The following ST18 variants were observed in gnomAD, a reference collection of about 807,000 sequenced individuals.
ST18 encodes the protein ST18 C2H2C-type zinc finger transcription factor.
A neutral mutation model predicts 110.0 loss-of-function variants in ST18; 50 were observed. That is an observed-to-expected ratio of 0.45 (90% CI 0.36 to 0.58). The LOEUF (loss-of-function observed/expected upper bound fraction) is 0.58, where lower values mean the gene tolerates loss of function less well. Ranked by LOEUF, ST18 falls within the 20% of genes least tolerant of loss-of-function variation. The pLI is 0.00. For synonymous variants in ST18, 461 were observed against 452.4 expected (o/e 1.02, Z -0.24); for missense variants, 1,306 against 1,280.1 (o/e 1.02, Z -0.31).
At chr8:52,130,119 A>AAAAGAAAAGAAAGAAAG (rs1554585623) in intron 22 of ST18, among the ~76,000 whole-genome samples, 1 of 105,164 alleles carries the variant, frequency 9.5e-6, no homozygotes, top group African/African-American at 4.1e-5. Context: ...AGAAAGAAAG[A>AAAAGAAAAGAAAGAAAG]AAAGAAAGAA....
rs949863947 is a variant in ST18, at chr8:52,112,230, G to C, written c.*968C>G. On this transcript the variant is annotated 3_prime_UTR_variant, in exon 26 of 26. Coordinates refer to ENST00000689386, the MANE Select transcript of ST18 (RefSeq NM_001352837.2). The stretch of plus-strand genomic sequence containing the variant: ...ATGGTATCTACAAAATTTTTCATTT[G>C]GATGTGTTTGTATTTGCTAAGTACA... 1.3e-5 allele frequency: 2 copies of C among 151,324 alleles called. No homozygotes were observed. The highest frequency in any genetic ancestry group is 3.0e-5 in the Non-Finnish European group (2 of 67,682). 9.4% of individuals were successfully genotyped at this position (151,324 alleles called of 1,614,324 possible). A position where few individuals can be genotyped will look rare whatever the true frequency, so the allele number is the denominator to read the frequency against.
intron 3 of ST18, among the ~76,000 whole-genome samples, chr8:52,229,188 T>C (rs1229468234): frequency 6.6e-6 from 1 of 152,232 alleles, no homozygotes; most frequent in East Asian, 1.9e-4. Flanking sequence ...TCCCATCTAT[T>C]GGTGGGCTTA....
At chr8:52,271,037 T>TA (rs570554015) in intron 2 of ST18, among the ~76,000 whole-genome samples, 228 of 152,096 alleles carry the variant, frequency 1.5e-3, no homozygotes, top group African/African-American at 5.3e-3. Flanking sequence ...TAGCTGGGAC[T>TA]ACGGGCGCCC....
At chr8:52,287,986 A>G (rs2095496068) in intron 2 of ST18, among the ~76,000 whole-genome samples, 1 of 152,228 alleles carries the variant, frequency 6.6e-6, no homozygotes, top group Non-Finnish European at 1.5e-5. Flanking sequence ...GGGTCGGGAA[A>G]TATCAGTCAC....
At chr8:52,332,514 A>G (rs946879087) in intron 2 of ST18, among the ~76,000 whole-genome samples, 3 of 148,804 alleles carry the variant, frequency 2.0e-5, no homozygotes, top group Admixed American at 6.7e-5. Flanking sequence ...CACTTTCCCA[A>G]GAGCATCTAA....
chr8:52,165,723 C>A (rs1021315596), intron 11 of ST18, among the ~76,000 whole-genome samples: 1 of 152,198 alleles, frequency 6.6e-6, no homozygotes, highest in Non-Finnish European at 1.5e-5. Context: ...GAGCGAAGAG[C>A]CAGAGAACCA....
chr8:52,362,692 C>T (rs1037647921), intron 2 of ST18, among the ~76,000 whole-genome samples: 4 of 152,158 alleles, frequency 2.6e-5, no homozygotes, highest in African/African-American at 7.2e-5. Context: ...GCTGAGGACA[C>T]AAGCAATCCT....
chr8:52,132,866 A>G (rs573834186), intron 21 of ST18, among the ~76,000 whole-genome samples, 191 bp downstream of exon 21: 1 of 152,340 alleles, frequency 6.6e-6, no homozygotes, highest in Non-Finnish European at 1.5e-5. Flanking sequence ...TTGCATTATC[A>G]AAGAGCTGTG....
intron 2 of ST18, among the ~76,000 whole-genome samples, chr8:52,368,871 A>G (rs1379371336): frequency 5.9e-5 from 9 of 152,202 alleles, no homozygotes; most frequent in Admixed American, 5.9e-4. Context: ...AAGGGCATAA[A>G]CATAGAAAGG....
intron 2 of ST18, among the ~76,000 whole-genome samples, chr8:52,339,980 T>G (rs1175143522): frequency 6.6e-6 from 1 of 152,258 alleles, no homozygotes; most frequent in Non-Finnish European, 1.5e-5. Context: ...TGCTTTGCCT[T>G]TAACCCTGGA....
chr8:52,133,095 C>T lies in ST18; in HGVS notation c.2406G>A (p.Met802Ile). 1 of 1,614,128 alleles carries T rather than the reference C, an allele frequency of 6.2e-7. No homozygotes were observed. The highest frequency in any genetic ancestry group is 8.5e-7 in the Non-Finnish European group (1 of 1,180,016). Residue 802 changes from methionine to isoleucine, a missense_variant, in exon 21 of 26, where the codon ATG becomes ATA. Transcript: ENST00000689386. ...CPRARKGGVKMTPTKEEKEDP... is the reference protein window; with the variant it reads ...CPRARKGGVKITPTKEEKEDP... ...CTTCTTTTTCTTCCTTGGTAGGGGT[C>T]ATTTTGACACCACCTTTCCTTGCAC...
At chr8:52,387,198 A>C (rs1329529117) in intron 2 of ST18, among the ~76,000 whole-genome samples, 2 of 152,054 alleles carry the variant, frequency 1.3e-5, no homozygotes, top group Non-Finnish European at 2.9e-5. Flanking sequence ...GAGAAAGTCC[A>C]GAGATTTTAA....
In ST18 at chr8:52,273,991, C is replaced by T. The variant is rs535613922; in HGVS notation, c.-464-43914G>A. Among the ~76,000 whole-genome samples the T allele has an allele frequency of 2.9e-4, 44 of 152,304 alleles. 1 individual carries two copies. In the South Asian group the frequency reaches 7.5e-3, roughly 26 times the overall value. On this transcript the variant is annotated intron_variant, in intron 2 of 25. Transcript: ENST00000689386. ...GCAGTTCTGTAACCCATTGACACTACTCTCTTAAGTGAATTTCTTTTAAAT... is the reference window on the plus strand; with the variant it reads ...GCAGTTCTGTAACCCATTGACACTATTCTCTTAAGTGAATTTCTTTTAAAT...
intron 8 of ST18, among the ~76,000 whole-genome samples, chr8:52,192,678 C>CA (rs1182322276): frequency 1.3e-5 from 2 of 151,970 alleles, no homozygotes; most frequent in African/African-American, 4.8e-5. Flanking sequence ...GATCCAAGAA[C>CA]AAAAAAGGTA....
intron 2 of ST18, among the ~76,000 whole-genome samples, chr8:52,249,044 C>A (rs2094080491): frequency 6.6e-6 from 1 of 152,116 alleles, no homozygotes; most frequent in Admixed American, 6.6e-5. Context: ...AGTTTTCAAA[C>A]CTGAACCAAT....
In ST18 at chr8:52,169,381, C is replaced by T. The variant is rs954754190; in HGVS notation, c.1070-2395G>A. ...TCATGTAATGGTTCATAGTGTTCCCCTTTTCATAGGCAGGACAGTCAATGA... is the reference window on the plus strand; with the variant it reads ...TCATGTAATGGTTCATAGTGTTCCCTTTTTCATAGGCAGGACAGTCAATGA... On this transcript the variant is annotated intron_variant, in intron 10 of 25. Transcript: ENST00000689386. Among the ~76,000 whole-genome samples the T allele has an allele frequency of 4.6e-5, 7 of 152,190 alleles. No homozygotes were observed. In the East Asian group the frequency reaches 1.3e-3, roughly 29 times the overall value.
intron 2 of ST18, chr8:52,393,484 A>G (rs1178892781): frequency 6.6e-6 from 1 of 152,142 alleles, no homozygotes; most frequent in Non-Finnish European, 1.5e-5. Flanking sequence ...TTCACTGACC[A>G]TATAAAACTG....
At chr8:52,116,475 G>A (rs2303458) in intron 24 of ST18, 57 bp from the exon 25 acceptor site, 3 of 1,544,260 alleles carry the variant, frequency 1.9e-6, no homozygotes, top group Non-Finnish European at 2.6e-6. Context: ...AGTGTAAAAG[G>A]TTTCTCCCTG....
At chr8:52,154,772 G>T (rs1015342901) in intron 15 of ST18, 1 of 152,026 alleles carries the variant, frequency 6.6e-6, no homozygotes, top group African/African-American at 2.4e-5. Flanking sequence ...CTAGAATTTT[G>T]GGAGGCTGAG....
Sources: gnomAD v4.1 joint callset for allele counts (sites outside exome capture counted in the v4.1 genomes callset) on GRCh38, gnomAD v4.1.1 for gene constraint, MANE v1.5 for transcripts, NCBI Gene and HGNC (gene_info 2026-07-23, HGNC 2026-07-21) for gene names.